The following GLMN variants were observed in gnomAD, a reference collection of about 807,000 sequenced individuals.
GLMN encodes the protein glomulin.
Under a neutral mutation model 87.8 loss-of-function variants are expected in GLMN, and 75 were observed. The observed-to-expected ratio is 0.85, with a 90% CI of 0.71 to 1.04. The LOEUF (loss-of-function observed/expected upper bound fraction) is 1.04, where lower values mean the gene tolerates loss of function less well. Among genes scored for constraint, GLMN ranks in the 50% least tolerant of loss-of-function variants. The probability of loss-of-function intolerance (pLI) is 0.00; values close to 1 mark genes in which losing one functional copy is unlikely to be tolerated. For missense variants in GLMN, 588 were observed against 658.8 expected (o/e 0.89, Z 1.18); for synonymous variants, 206 against 221.6 (o/e 0.93, Z 0.63).
the GLMN span, among the ~76,000 whole-genome samples, chr1:92,364,405 A>C: frequency 6.6e-6 from 1 of 152,196 alleles, no homozygotes; most frequent in Admixed American, 6.5e-5. Context: ...TTACCTAGAA[A>C]GAAAATTGGT....
chr1:92,352,962 T>G, the GLMN span, among the ~76,000 whole-genome samples: 1 of 152,242 alleles, frequency 6.6e-6, no homozygotes, highest in African/African-American at 2.4e-5. Flanking sequence ...TGACCTTTTG[T>G]ATTTGGCTTC....
the GLMN span, among the ~76,000 whole-genome samples, chr1:92,305,432 C>CAAAAAAAAAA: frequency 2.9e-3 from 150 of 52,626 alleles, 4 homozygotes; most frequent in African/African-American, 7.5e-3. Context: ...GGCTCCGTCT[C>CAAAAAAAAAA]AAAAAAAAAA....
intron 6 of GLMN, 117 bp from the exon 7 acceptor site, chr1:92,286,709 A>AT: frequency 8.6e-6 from 6 of 695,608 alleles, no homozygotes; most frequent in Non-Finnish European, 1.3e-5. Context: ...TATGGTTTGA[A>AT]TGACTCTGCT....
intron 3 of GLMN, among the ~76,000 whole-genome samples, chr1:92,295,585 T>A (rs1557574239): frequency 6.6e-6 from 1 of 152,188 alleles, no homozygotes; most frequent in Admixed American, 6.5e-5. Context: ...CCAGTCATTT[T>A]TGATGCCTCT....
At chr1:92,365,658 C>CT in the GLMN span, among the ~76,000 whole-genome samples, 9 of 152,176 alleles carry the variant, frequency 5.9e-5, no homozygotes, top group African/African-American at 2.2e-4. Context: ...TTCCTCTTGA[C>CT]TATCACAAAG....
chr1:92,258,012 C>T (rs866725144), intron 16 of GLMN, among the ~76,000 whole-genome samples: 27 of 151,918 alleles, frequency 1.8e-4, no homozygotes, highest in Middle Eastern at 3.2e-3. Context: ...GCAATCTATC[C>T]ATCTGACAAA....
the GLMN span, among the ~76,000 whole-genome samples, chr1:92,346,310 C>T: frequency 0.011 from 1,612 of 152,092 alleles, 31 homozygotes; most frequent in African/African-American, 0.037. Flanking sequence ...ACTATAGTCA[C>T]ACACCACCAT....
chr1:92,280,360 T>G lies in GLMN; in HGVS notation c.735+6130A>C, dbSNP rs371285244. On this transcript the variant is annotated intron_variant, in intron 7 of 18. Transcript: ENST00000370360. ...AGTGGACCTCTAGCAAACTCCAACA[T>G]ACCTGCAGCTGAGAGGTCTGTTAGA... Among the ~76,000 whole-genome samples the G allele has an allele frequency of 8.5e-5, 13 of 152,232 alleles. No homozygotes were observed. The East Asian group carries it at 9.7e-4, about 11-fold the overall frequency.
chr1:92,295,169 C>G (rs913274339), intron 3 of GLMN, among the ~76,000 whole-genome samples: 1 of 152,184 alleles, frequency 6.6e-6, no homozygotes, highest in African/African-American at 2.4e-5. Flanking sequence ...TTTGTTTATA[C>G]TTCCCTTTTC....
At chr1:92,347,853 G>A in the GLMN span, among the ~76,000 whole-genome samples, 2 of 152,102 alleles carry the variant, frequency 1.3e-5, no homozygotes, top group South Asian at 2.1e-4. Context: ...TTGAATTCAC[G>A]GAACAAATTG....
chr1:92,366,453 C>T, the GLMN span, among the ~76,000 whole-genome samples: 1 of 152,162 alleles, frequency 6.6e-6, no homozygotes, highest in Non-Finnish European at 1.5e-5. Context: ...GTGGCCCAGT[C>T]CATGTTATTT....
chr1:92,310,506 T>C, the GLMN span, among the ~76,000 whole-genome samples: 14 of 152,340 alleles, frequency 9.2e-5, 1 homozygote, highest in South Asian at 2.9e-3. Flanking sequence ...GCATGTAGTA[T>C]TTAATGCAGA....
intron 7 of GLMN, among the ~76,000 whole-genome samples, chr1:92,277,364 T>C (rs960897205): frequency 1.3e-5 from 2 of 152,218 alleles, no homozygotes; most frequent in Admixed American, 6.5e-5. Context: ...CTGTGACATA[T>C]ATATTTGCTC....
chr1:92,325,298 G>T, the GLMN span, among the ~76,000 whole-genome samples: 1 of 152,136 alleles, frequency 6.6e-6, no homozygotes, highest in Non-Finnish European at 1.5e-5. Context: ...TGGAGATTTG[G>T]AAAGAGGGTA....
chr1:92,298,816 A>G (rs917897821), intron 1 of GLMN, 109 bp downstream of exon 1: 3 of 375,232 alleles, frequency 8.0e-6, no homozygotes, highest in Middle Eastern at 6.7e-4. Flanking sequence ...CTAGGTGGGC[A>G]GGCTCCACCA....
intron 13 of GLMN, among the ~76,000 whole-genome samples, chr1:92,265,391 A>G (rs1006508051): frequency 1.3e-5 from 2 of 152,144 alleles, no homozygotes; most frequent in African/African-American, 4.8e-5. Context: ...AGAGATACAC[A>G]TAGAACAGAA....
chr1:92,332,544 T>A, the GLMN span, among the ~76,000 whole-genome samples: 3 of 152,296 alleles, frequency 2.0e-5, no homozygotes, highest in East Asian at 5.8e-4. Context: ...GATGATGTTA[T>A]CTTCCTCTAG....
At position 92,253,196 on chromosome 1, in the gene GLMN, G is replaced by GAA. The variant is rs11449710; in HGVS notation, c.1474-5209_1474-5208dup. On this transcript the variant is annotated intron_variant, in intron 16 of 18. Transcript: ENST00000370360. ...TGAATCTTAAATAGAAATGGAAATT[G>GAA]AAAAAAAACTTAAGCTCTAGATTCC... Among the ~76,000 whole-genome samples, 361 of 151,964 alleles carry GAA rather than the reference G, an allele frequency of 2.4e-3. 2 individuals carry two copies. The highest frequency in any genetic ancestry group is 5.6e-3 in the Admixed American group (85 of 15,276).
chr1:92,256,442 C>CACA (rs925798249), intron 16 of GLMN, among the ~76,000 whole-genome samples: 54 of 152,132 alleles, frequency 3.5e-4, no homozygotes, highest in Admixed American at 2.9e-3. Context: ...CTGGCAGAGA[C>CACA]ACAACAAAAA....
Sources: allele counts gnomAD v4.1 joint callset (sites outside exome capture counted in the v4.1 genomes callset), GRCh38; gene constraint gnomAD v4.1.1; transcripts MANE v1.5; gene names NCBI Gene and HGNC (gene_info 2026-07-23, HGNC 2026-07-21).